Variants in SPATC1 observed in about 807,000 individuals in gnomAD.
SPATC1 encodes the protein speriolin.
SPATC1 carries 35 observed loss-of-function variants against 36.5 expected under a neutral mutation model. The ratio of observed to expected loss-of-function variants is 0.96; its 90% CI spans 0.73 to 1.27. The LOEUF (loss-of-function observed/expected upper bound fraction) is 1.27, where lower values mean the gene tolerates loss of function less well. Ranked by LOEUF, SPATC1 falls within the 50% of genes most tolerant of loss-of-function variation. The probability of loss-of-function intolerance (pLI) is 0.00; values close to 1 mark genes in which losing one functional copy is unlikely to be tolerated. For missense variants in SPATC1, 779 were observed against 796.0 expected, an observed-to-expected ratio of 0.98 and a Z score of 0.26; for synonymous variants, 361 against 353.6, an observed-to-expected ratio of 1.02 and a Z score of -0.24.
Position 144,046,559 on chromosome 8 carries a change from C to T in SPATC1, c.1447-68C>T, listed in dbSNP as rs1835267114. ...CTCACAGCCTCACCTGCCCCTCGGT[C>T]TTCCCCTTACCTGCCTGTGTGTGGA... On this transcript the variant is annotated intron_variant, in intron 4 of 4. Transcript: ENST00000377470. The surrounding 1 kb of genome is among the most constrained non-coding windows in gnomAD (Gnocchi z 6.6). The T allele has an allele frequency of 6.8e-7, 1 of 1,461,884 alleles. No homozygotes were observed. Among genetic ancestry groups the T allele is most frequent in the Admixed American group, 1.8e-5 (1 of 55,610 alleles). The allele number at this position is 1,461,884 out of a possible 1,614,324, so 90.6% of individuals were successfully genotyped here.
Position 144,016,603 on chromosome 8 carries a change from T to TTTTG in SPATC1, c.211+3897_211+3900dup, listed in dbSNP as rs534048833. On this transcript the variant is annotated intron_variant, in intron 1 of 4. Coordinates refer to ENST00000377470, the MANE Select transcript of SPATC1 (RefSeq NM_198572.3). This position sits in a 1 kb window ranked among gnomAD's most constrained non-coding sequence, Gnocchi z 4.5. ...AAGGCGCTAAGAAGACACTGATGGT[T>TTTTG]TTTGTTTGTTTGTTTGTTTGTTTTT... 0.011 allele frequency among the ~76,000 whole-genome samples: 1,692 copies of TTTTG among 151,780 alleles called. 20 individuals are homozygous for TTTTG. Among genetic ancestry groups the TTTTG allele is most frequent in the African/African-American group, 0.032 (1,317 of 41,286 alleles).
At chr8:144,024,984 C>T (rs984594614) in intron 1 of SPATC1, among the ~76,000 whole-genome samples, 8 of 118,952 alleles carry the variant, frequency 6.7e-5, no homozygotes, top group African/African-American at 2.5e-4. Context: ...AGCCTCCCCC[C>T]TCAGGACCCT....
At chr8:144,024,521 A>C in intron 1 of SPATC1, among the ~76,000 whole-genome samples, 1 of 115,970 alleles carries the variant, frequency 8.6e-6, no homozygotes, top group African/African-American at 3.4e-5. Context: ...CTCTCCCCTC[A>C]AGACCCCCTT....
At chr8:144,025,097 T>C (rs1195371260) in intron 1 of SPATC1, among the ~76,000 whole-genome samples, 3 of 150,524 alleles carry the variant, frequency 2.0e-5, no homozygotes, top group Non-Finnish European at 4.4e-5. Flanking sequence ...AGGAAACTCT[T>C]CCCTCAGGAC....
intron 1 of SPATC1, among the ~76,000 whole-genome samples, chr8:144,034,852 A>T (rs1483449428): frequency 6.6e-6 from 1 of 151,982 alleles, no homozygotes; most frequent in Non-Finnish European, 1.5e-5. Context: ...CAATCTCCTG[A>T]CCTCGTGATC....
intron 1 of SPATC1, among the ~76,000 whole-genome samples, chr8:144,032,722 G>T (rs1371865426): frequency 6.6e-6 from 1 of 152,054 alleles, no homozygotes; most frequent in Non-Finnish European, 1.5e-5. Context: ...TTTCTAAACT[G>T]TTTTCTGCAA....
rs1268522298 is a variant in SPATC1, at chr8:144,031,450, C to CCT, written c.212-8459_212-8458insCT. ...CTTGCTGCTATCAAGATTTTTTTTTCTTTTTTTTTTTTTTTTTTTAGAGAG... is the reference window on the plus strand; with the variant it reads ...CTTGCTGCTATCAAGATTTTTTTTTCCTTTTTTTTTTTTTTTTTTTTAGAGAG... On this transcript the variant is annotated intron_variant, in intron 1 of 4. Transcript: ENST00000377470. Among the ~76,000 whole-genome samples the CCT allele has an allele frequency of 3.4e-5, 4 of 116,688 alleles. No individual in the cohort carries two copies. In the East Asian group the frequency reaches 7.2e-4, roughly 21 times the overall value. The allele number at this position is 116,688 out of a possible 152,430, so 76.6% of individuals were successfully genotyped here. A position where few individuals can be genotyped will look rare whatever the true frequency, so the allele number is the denominator to read the frequency against.
chr8:144,015,987 G>A (rs1424742995), intron 1 of SPATC1, among the ~76,000 whole-genome samples: 10 of 150,966 alleles, frequency 6.6e-5, no homozygotes, highest in African/African-American at 1.9e-4. Flanking sequence ...GCGTGAACCC[G>A]GGAGGCGGAG....
At chr8:144,015,608 G>A (rs1230611194) in intron 1 of SPATC1, among the ~76,000 whole-genome samples, 13 of 151,004 alleles carry the variant, frequency 8.6e-5, no homozygotes, top group Admixed American at 6.6e-5. Flanking sequence ...CGGGTGTGGT[G>A]GCAGGCGCCT....
intron 1 of SPATC1, among the ~76,000 whole-genome samples, chr8:144,031,705 C>A (rs1259880045): frequency 1.4e-5 from 2 of 144,886 alleles, no homozygotes; most frequent in African/African-American, 2.5e-5. Flanking sequence ...TTTTCTTTTT[C>A]TTTTTTTTTC....
chr8:144,040,821 C>T lies in SPATC1; in HGVS notation c.1020C>T (p.Ala340=). 1 of 1,562,030 alleles carries T rather than the reference C, an allele frequency of 6.4e-7. No individual in the cohort carries two copies. Among genetic ancestry groups the T allele is most frequent in the South Asian group, 1.2e-5 (1 of 83,740 alleles). ...PTVTVLASAP[A]LAPQVATSYT... is the part of the protein sequence containing the mutation. ...TCACCGTCCTTGCCTCTGCCCCCGC[C>T]CTTGCCCCCCAGGTTGCCACCAGCT... The change falls in exon 3 of 5, where the codon GCC becomes GCT. Residue 340 remains alanine, a synonymous_variant. Coordinates refer to ENST00000377470, the MANE Select transcript of SPATC1 (RefSeq NM_198572.3).
chr8:144,012,316 G>A lies in SPATC1; in HGVS notation c.-200G>A. Reference sequence around the variant, plus strand: ...CGAGGCAAGGCCTGTGTACAGGCCTGGTGGCATGGAGAGCTGAGGGTGTTA... The same window carrying A: ...CGAGGCAAGGCCTGTGTACAGGCCTAGTGGCATGGAGAGCTGAGGGTGTTA... On this transcript the variant is annotated 5_prime_UTR_variant, in exon 1 of 5. Transcript: ENST00000377470. 1 of 597,206 alleles carries A rather than the reference G, an allele frequency of 1.7e-6. No individual in the cohort carries two copies. The highest frequency in any genetic ancestry group is 2.8e-5 in the East Asian group (1 of 35,942). The allele number at this position is 597,206 out of a possible 1,614,324, so 37.0% of individuals were successfully genotyped here. A position where few individuals can be genotyped will look rare whatever the true frequency, so the allele number is the denominator to read the frequency against.
In SPATC1 at chr8:144,046,940, C is replaced by T. The variant is rs1554756928; in HGVS notation, c.1760C>T (p.Pro587Leu). Residue 587 changes from proline (P) to leucine (L), a missense_variant, in exon 5 of 5, where the codon CCC (proline) becomes CTC (leucine). Coordinates refer to ENST00000377470, the MANE Select transcript of SPATC1 (RefSeq NM_198572.3). This position sits in a 1 kb window ranked among gnomAD's most constrained non-coding sequence, Gnocchi z 6.6. ...CAGCTGGCGCACGATGACGGCAAGCCCATGTTCATCTGGTGACGCTGGAGC... is the reference window on the plus strand; with the variant it reads ...CAGCTGGCGCACGATGACGGCAAGCTCATGTTCATCTGGTGACGCTGGAGC... The part of the protein sequence containing the change: ...LSQLAHDDGK[P>L]MFIW The T allele has an allele frequency of 6.3e-7, 1 of 1,597,176 alleles. No homozygotes were observed. Among genetic ancestry groups the T allele is most frequent in the Non-Finnish European group, 8.5e-7 (1 of 1,178,854 alleles).
rs1354246289 is a variant in SPATC1 at position 144,045,945 on chromosome 8, A to G, written c.1447-682A>G. ...AGCCAGTCACTGCCTGGCTGGTGGG[A>G]GGACACAGGGCATGAGGAAGTGAGT... On this transcript the variant is annotated intron_variant, in intron 4 of 4. Coordinates refer to ENST00000377470, the MANE Select transcript of SPATC1 (RefSeq NM_198572.3). The surrounding 1 kb of genome is among the most constrained non-coding windows in gnomAD (Gnocchi z 5.2). 1.3e-5 allele frequency among the ~76,000 whole-genome samples: 2 copies of G among 152,156 alleles called. No homozygotes were observed. The highest frequency in any genetic ancestry group is 4.8e-5 in the African/African-American group (2 of 41,418).
chr8:144,023,820 T>TG (rs1834608074), intron 1 of SPATC1, among the ~76,000 whole-genome samples: 22 of 334 alleles, frequency 0.066, 11 homozygotes, highest in Admixed American at 0.31. Flanking sequence ...CCCTGTCCCC[T>TG]CAGGACCTCC....
chr8:144,029,501 A>G (rs1035622481), intron 1 of SPATC1, among the ~76,000 whole-genome samples: 1 of 152,224 alleles, frequency 6.6e-6, no homozygotes, highest in Non-Finnish European at 1.5e-5. Context: ...TGGGAGGTGT[A>G]GGTTGCAGTG....
intron 4 of SPATC1, among the ~76,000 whole-genome samples, chr8:144,042,450 G>T (rs1201416175): frequency 6.7e-6 from 1 of 148,368 alleles, no homozygotes; most frequent in Non-Finnish European, 1.5e-5. Context: ...CTCCCAAATA[G>T]CTGGGATTAC....
At position 144,040,977 on chromosome 8, in the gene SPATC1, C is replaced by T. The variant is rs551075171; in HGVS notation, c.1176C>T (p.Thr392=). The part of the protein sequence containing the change: ...PPHNAHSPPR[T]SSSPASVNDS... ...ACAACGCCCACTCCCCACCTCGTACCTCATCCTCCCCGGCTTCAGTCAATG... is the reference window on the plus strand; with the variant it reads ...ACAACGCCCACTCCCCACCTCGTACTTCATCCTCCCCGGCTTCAGTCAATG... The change falls in exon 3 of 5, where the codon ACC becomes ACT. Residue 392 remains threonine, a synonymous_variant. Coordinates refer to ENST00000377470, the MANE Select transcript of SPATC1 (RefSeq NM_198572.3). The T allele has an allele frequency of 5.6e-6, 9 of 1,612,312 alleles. No individual in the cohort carries two copies. The African/African-American group carries it at 1.1e-4, about 19-fold the overall frequency.
intron 1 of SPATC1, among the ~76,000 whole-genome samples, chr8:144,021,636 A>G (rs1834538441): frequency 1.1e-5 from 1 of 93,518 alleles, no homozygotes; most frequent in Admixed American, 9.8e-5. Context: ...ACACCCCAGG[A>G]CCTTCCCCCT....
Sources: allele counts gnomAD v4.1 joint callset (sites outside exome capture counted in the v4.1 genomes callset), GRCh38; gene constraint gnomAD v4.1.1; non-coding constraint Gnocchi (gnomAD v3.1); transcripts MANE v1.5; gene names NCBI Gene and HGNC (gene_info 2026-07-23, HGNC 2026-07-21).